The following ERBB4 variants were observed in gnomAD, a reference collection of about 807,000 sequenced individuals.
ERBB4 encodes the protein erb-b2 receptor tyrosine kinase 4.
ERBB4 carries 42 observed loss-of-function variants against 158.0 expected under a neutral mutation model. The observed-to-expected ratio is 0.27, with a 90% confidence interval of 0.21 to 0.34. ERBB4 has a LOEUF of 0.34. ERBB4 is among the 10% of genes least tolerant of loss of function. ERBB4 has a pLI of 1.00. For missense variants in ERBB4, 1,333 were observed against 1,624.1 expected, an observed-to-expected ratio of 0.82 and a Z score of 3.08; for synonymous variants, 583 against 558.7, an observed-to-expected ratio of 1.04 and a Z score of -0.61.
chr2:212,213,070 G>T (rs375924126), intron 1 of ERBB4, among the ~76,000 whole-genome samples: 1 of 152,196 alleles, frequency 6.6e-6, no homozygotes, highest in East Asian at 1.9e-4. Context: ...TGACAAATGG[G>T]ATCTAATTAA....
intron 3 of ERBB4, among the ~76,000 whole-genome samples, chr2:211,903,918 T>A (rs2079305693): frequency 6.6e-6 from 1 of 152,048 alleles, no homozygotes; most frequent in African/African-American, 2.4e-5. Context: ...TATATCTTAT[T>A]TCATTATATC....
intron 5 of ERBB4, among the ~76,000 whole-genome samples, chr2:211,736,501 T>C (rs966004106): frequency 6.6e-6 from 1 of 152,190 alleles, no homozygotes; most frequent in African/African-American, 2.4e-5. Flanking sequence ...TCTTATTGCA[T>C]GAACAAAGGT....
intron 1 of ERBB4, among the ~76,000 whole-genome samples, chr2:212,259,285 A>C (rs2084848824): frequency 1.3e-5 from 2 of 152,186 alleles, no homozygotes; most frequent in Admixed American, 1.3e-4. Context: ...CTCATAAATT[A>C]TACTTTAAAA....
chr2:211,677,447 C>T (rs2072122134), intron 13 of ERBB4, among the ~76,000 whole-genome samples: 1 of 151,806 alleles, frequency 6.6e-6, no homozygotes, highest in South Asian at 2.1e-4. Context: ...ACCTGTAATC[C>T]CAGCTACTTG....
At chr2:211,907,133 G>T (rs976291464) in intron 3 of ERBB4, among the ~76,000 whole-genome samples, 3 of 151,646 alleles carry the variant, frequency 2.0e-5, no homozygotes, top group African/African-American at 7.3e-5. Context: ...ATATCTTGGG[G>T]TCTCTTTTTA....
intron 20 of ERBB4, among the ~76,000 whole-genome samples, chr2:211,501,159 AG>A (rs2065604961): frequency 6.6e-6 from 1 of 152,084 alleles, no homozygotes; most frequent in Non-Finnish European, 1.5e-5. Context: ...TCATTTAAAA[AG>A]GAGTTTATTA....
chr2:212,306,621 A>T (rs1375600731), intron 1 of ERBB4, among the ~76,000 whole-genome samples: 11 of 151,522 alleles, frequency 7.3e-5, no homozygotes, highest in Admixed American at 5.9e-4. Flanking sequence ...TATTTTATTC[A>T]ATATTTATTA....
At chr2:211,398,688 A>G (rs2062972038) in intron 25 of ERBB4, among the ~76,000 whole-genome samples, 1 of 152,154 alleles carries the variant, frequency 6.6e-6, no homozygotes, top group South Asian at 2.1e-4. Context: ...AAAATAAGCC[A>G]GATGTGATGG....
At chr2:211,713,154 A>T (rs2073767524) in intron 8 of ERBB4, among the ~76,000 whole-genome samples, 1 of 152,088 alleles carries the variant, frequency 6.6e-6, no homozygotes, top group Admixed American at 6.5e-5. Context: ...ATCTCTTTTT[A>T]TGCTTAGCAG....
intron 1 of ERBB4, among the ~76,000 whole-genome samples, chr2:212,129,735 A>C (rs932274101): frequency 5.3e-5 from 8 of 151,806 alleles, no homozygotes; most frequent in Non-Finnish European, 1.2e-4. Flanking sequence ...ATTTTTTGAC[A>C]AAAAAAGATC....
In ERBB4 at chr2:211,382,341, C is replaced by T. The variant is rs2062587209; in HGVS notation, c.*1274G>A. On this transcript the variant is annotated 3_prime_UTR_variant, in exon 28 of 28. Coordinates refer to ENST00000342788, the MANE Select transcript of ERBB4 (RefSeq NM_005235.3). ...TGACATATGAAGATAATGTGCTGGCCTCTCATCATAGTCCCTGGATACCGT... is the reference window on the plus strand; with the variant it reads ...TGACATATGAAGATAATGTGCTGGCTTCTCATCATAGTCCCTGGATACCGT... The T allele has an allele frequency of 4.3e-6, 1 of 232,330 alleles. No homozygotes were observed. The highest frequency in any genetic ancestry group is 8.5e-6 in the Non-Finnish European group (1 of 117,552). The allele number at this position is 232,330 out of a possible 1,614,324, so 14.4% of individuals were successfully genotyped here.
intron 3 of ERBB4, among the ~76,000 whole-genome samples, chr2:211,926,273 C>G (rs987032922): frequency 1.3e-5 from 2 of 152,214 alleles, no homozygotes; most frequent in South Asian, 4.1e-4. Flanking sequence ...CTGATGAGCA[C>G]TAATTGTCTC....
Position 211,906,712 on chromosome 2 carries a change from A to G in ERBB4, c.421+40718T>C, listed in dbSNP as rs138046634. Reference sequence around the variant, plus strand: ...GATCCTCTCCCTCCTCCCACCCTCTACCCTCAAGTAGGCCACAGTGTCTGT... The same window carrying G: ...GATCCTCTCCCTCCTCCCACCCTCTGCCCTCAAGTAGGCCACAGTGTCTGT... On this transcript the variant is annotated intron_variant, in intron 3 of 27. Transcript: ENST00000342788. 1.1e-3 allele frequency among the ~76,000 whole-genome samples: 161 copies of G among 150,988 alleles called. 1 individual carries two copies. Among genetic ancestry groups the G allele is most frequent in the Non-Finnish European group, 1.7e-3 (117 of 67,772 alleles).
At chr2:211,675,492 T>G (rs556984825) in intron 13 of ERBB4, among the ~76,000 whole-genome samples, 1 of 152,082 alleles carries the variant, frequency 6.6e-6, no homozygotes, top group African/African-American at 2.4e-5. Context: ...TGGTTCCCTC[T>G]TTGATGTTTC....
At chr2:212,306,693 C>G (rs2086822743) in intron 1 of ERBB4, among the ~76,000 whole-genome samples, 1 of 140,280 alleles carries the variant, frequency 7.1e-6, no homozygotes, top group Non-Finnish European at 1.6e-5. Context: ...AAATTTATAC[C>G]CTAACATTTG....
At chr2:211,907,679 A>C (rs937449804) in intron 3 of ERBB4, among the ~76,000 whole-genome samples, 2 of 151,780 alleles carry the variant, frequency 1.3e-5, no homozygotes, top group African/African-American at 4.8e-5. Context: ...AGAACCCAGA[A>C]GTCAGAGATA....
chr2:212,332,565 A>G (rs938026775), intron 1 of ERBB4, among the ~76,000 whole-genome samples: 16 of 152,088 alleles, frequency 1.1e-4, no homozygotes, highest in Admixed American at 1.3e-4. Flanking sequence ...TTTAAAATCT[A>G]TAATTAATTA....
chr2:212,322,382 C>T lies in ERBB4; in HGVS notation c.83-197479G>A, dbSNP rs926012301. 4.0e-5 allele frequency among the ~76,000 whole-genome samples: 6 copies of T among 150,222 alleles called. 1 individual carries two copies. In the South Asian group the frequency reaches 1.3e-3, roughly 32 times the overall value. The stretch of plus-strand genomic sequence containing the variant: ...TGCCCAATTTCTGTCACCTGGTAAA[C>T]ACTCAAAAAATTGCCTTTCTCTTAA... On this transcript the variant is annotated intron_variant, in intron 1 of 27. Coordinates refer to ENST00000342788, the MANE Select transcript of ERBB4 (RefSeq NM_005235.3).
At chr2:212,351,483 T>A (rs1250850659) in intron 1 of ERBB4, among the ~76,000 whole-genome samples, 3 of 152,314 alleles carry the variant, frequency 2.0e-5, no homozygotes, top group East Asian at 3.9e-4. Flanking sequence ...AAACAGTGTG[T>A]CTTTCAGAGC....
Sources: gnomAD v4.1 joint callset for allele counts (sites outside exome capture counted in the v4.1 genomes callset) on GRCh38, gnomAD v4.1.1 for gene constraint, MANE v1.5 for transcripts, NCBI Gene and HGNC (gene_info 2026-07-23, HGNC 2026-07-21) for gene names.